TNS1: variants seen among roughly 807,000 people sequenced by gnomAD.
TNS1 encodes the protein tensin-1.
Under a neutral mutation model 168.6 loss-of-function variants are expected in TNS1, and 62 were observed. That is an observed-to-expected ratio of 0.37 (90% confidence interval 0.30 to 0.45). The LOEUF (loss-of-function observed/expected upper bound fraction) is 0.45, where lower values mean the gene tolerates loss of function less well. Among genes scored for constraint, TNS1 ranks in the 20% least tolerant of loss-of-function variants. The pLI is 1.00. For synonymous variants in TNS1, 934 were observed against 933.2 expected (o/e 1.00, Z -0.02); for missense variants, 2,240 against 2,339.4 (o/e 0.96, Z 0.88).
At position 217,977,686 on chromosome 2, in the gene TNS1, G is replaced by A. The variant is rs1016732932; in HGVS notation, c.186+1079C>T. Among the ~76,000 whole-genome samples, 11 of 152,164 alleles carry A rather than the reference G, an allele frequency of 7.2e-5. 1 individual carries two copies. The highest frequency in any genetic ancestry group is 4.1e-4 in the South Asian group (2 of 4,830). ...AGGCTTCTTATTCCCATATCCTTGA[G>A]AATGAAACAGAAACTCAGAGAGGTA... On this transcript the variant is annotated intron_variant, in intron 3 of 32. Coordinates refer to ENST00000682258, the MANE Select transcript of TNS1 (RefSeq NM_001387777.1).
At chr2:217,884,951 C>T in intron 16 of TNS1, 84 bp downstream of exon 16, 1 of 1,561,472 alleles carries the variant, frequency 6.4e-7, no homozygotes, top group East Asian at 2.2e-5. Flanking sequence ...AAAAGATGGT[C>T]CCCATACCCA....
chr2:217,981,101 C>T (rs146246406), intron 2 of TNS1, among the ~76,000 whole-genome samples: 1 of 152,328 alleles, frequency 6.6e-6, no homozygotes, highest in East Asian at 1.9e-4. Flanking sequence ...GTCTCCTTTG[C>T]ACTGTAGCCC....
intron 3 of TNS1, among the ~76,000 whole-genome samples, chr2:217,956,969 G>A (rs1957380572): frequency 6.6e-6 from 1 of 152,236 alleles, no homozygotes; most frequent in African/African-American, 2.4e-5. Context: ...GCCCTAAGGA[G>A]ACGGGATCAG....
At chr2:217,941,677 C>G (rs1268613873) in intron 3 of TNS1, among the ~76,000 whole-genome samples, 1 of 152,180 alleles carries the variant, frequency 6.6e-6, no homozygotes, top group Admixed American at 6.5e-5. Context: ...AGGTCATCGC[C>G]TCTAACCACA....
At chr2:218,018,668 T>C (rs556813052) in intron 1 of TNS1, among the ~76,000 whole-genome samples, 3 of 152,300 alleles carry the variant, frequency 2.0e-5, no homozygotes, top group South Asian at 4.1e-4. Context: ...GCTGAGGATG[T>C]GAGGCGGGAG....
rs773143281 is a variant in TNS1, at chr2:218,002,899, C to G, written c.-27G>C. On this transcript the variant is annotated 5_prime_UTR_variant, in exon 1 of 33. Transcript: ENST00000682258. Reference sequence around the variant, plus strand: ...TTTGCTGGGTCCCGTCACTGAGGCACGCCCAGGGCCTGTGAAGAGCCCCTG... The same window carrying G: ...TTTGCTGGGTCCCGTCACTGAGGCAGGCCCAGGGCCTGTGAAGAGCCCCTG... 1.5e-5 allele frequency: 7 copies of G among 456,676 alleles called. No individual in the cohort carries two copies. The East Asian group carries it at 4.9e-4, about 32-fold the overall frequency. The allele number at this position is 456,676 out of a possible 1,614,324, so 28.3% of individuals were successfully genotyped here. A position where few individuals can be genotyped will look rare whatever the true frequency, so the allele number is the denominator to read the frequency against.
intron 22 of TNS1, among the ~76,000 whole-genome samples, chr2:217,829,293 G>A (rs1391699824): frequency 1.3e-5 from 2 of 152,112 alleles, no homozygotes; most frequent in South Asian, 4.2e-4. Context: ...GCTGAGGCAG[G>A]AGAATTGCTT....
intron 3 of TNS1, among the ~76,000 whole-genome samples, chr2:217,958,289 C>T (rs1164694676): frequency 6.6e-6 from 1 of 151,122 alleles, no homozygotes; most frequent in African/African-American, 2.4e-5. Flanking sequence ...GGAGAAAATG[C>T]CAGATGCCGT....
chr2:217,842,169 G>C (rs1393532508), intron 19 of TNS1: 1 of 701,478 alleles, frequency 1.4e-6, no homozygotes, highest in Middle Eastern at 2.3e-4. Context: ...CTCCTTACCT[G>C]TCCTCAACCC....
intron 3 of TNS1, among the ~76,000 whole-genome samples, chr2:217,958,391 G>A (rs977563458): frequency 2.6e-5 from 4 of 152,196 alleles, no homozygotes; most frequent in African/African-American, 9.7e-5. Context: ...CCAAACCGTC[G>A]TCTGCATCCT....
At chr2:218,023,266 G>A (rs1958824664) in intron 1 of TNS1, among the ~76,000 whole-genome samples, 1 of 152,190 alleles carries the variant, frequency 6.6e-6, no homozygotes, top group Admixed American at 6.5e-5. Flanking sequence ...CCCGAGACCA[G>A]GCTGTCATCC....
chr2:217,959,361 C>CATGG (rs962044598), intron 3 of TNS1, among the ~76,000 whole-genome samples: 1 of 151,876 alleles, frequency 6.6e-6, no homozygotes, highest in Admixed American at 6.5e-5. Context: ...GGAACCTTAG[C>CATGG]ATGGAACCTG....
intron 4 of TNS1, among the ~76,000 whole-genome samples, chr2:217,918,494 G>GAGT (rs1955363369): frequency 6.6e-6 from 1 of 152,200 alleles, no homozygotes; most frequent in Admixed American, 6.5e-5. Context: ...ACGCAGCCTT[G>GAGT]CTCAGGCACG....
rs541200866 is a variant in TNS1, at chr2:217,889,423, T to C, written c.866+1539A>G. 2.0e-5 allele frequency among the ~76,000 whole-genome samples: 3 copies of C among 152,318 alleles called. No homozygotes were observed. In the South Asian group the frequency reaches 6.2e-4, roughly 32 times the overall value. On this transcript the variant is annotated intron_variant, in intron 12 of 32. Coordinates refer to ENST00000682258, the MANE Select transcript of TNS1 (RefSeq NM_001387777.1). ...TCCAGGACTCACAGCTCCAGGCCCT[T>C]GTTGGCCCAGTCAGTGTGCTCAGGG...
At chr2:218,013,462 G>A (rs996545476), upstream of TNS1, among the ~76,000 whole-genome samples, 1 of 152,228 alleles carries the variant, frequency 6.6e-6, no homozygotes, top group African/African-American at 2.4e-5. Context: ...TGCCCTGGGG[G>A]CCTCATGCCA....
In TNS1 at chr2:217,818,835, C is replaced by T. The variant is rs551214930; in HGVS notation, c.3573-76G>A. 4.8e-5 allele frequency: 59 copies of T among 1,224,758 alleles called. No homozygotes were observed. The East Asian group carries it at 6.0e-4, about 13-fold the overall frequency. 75.9% of individuals were successfully genotyped at this position (1,224,758 alleles called of 1,614,324 possible). A position where few individuals can be genotyped will look rare whatever the true frequency, so the allele number is the denominator to read the frequency against. The stretch of plus-strand genomic sequence containing the variant: ...GTGGATTTACAGCAGGCTGTCTGCC[C>T]TCCCTCCAACCATGAACAACAGTAA... On this transcript the variant is annotated intron_variant, in intron 23 of 32. Transcript: ENST00000682258.
intron 22 of TNS1, among the ~76,000 whole-genome samples, chr2:217,828,683 C>G (rs1337589201): frequency 6.6e-6 from 1 of 152,210 alleles, no homozygotes; most frequent in African/African-American, 2.4e-5. Context: ...CCCTGGTGCC[C>G]AGTGCAGGGC....
chr2:217,805,525 C>A (rs1574522160), intron 32 of TNS1, among the ~76,000 whole-genome samples: 1 of 1,750 alleles, frequency 5.7e-4, no homozygotes, highest in African/African-American at 2.3e-3. Context: ...ACCACACACA[C>A]CACACACACC....
intron 8 of TNS1, among the ~76,000 whole-genome samples, chr2:217,897,179 C>T (rs1952399438): frequency 6.6e-6 from 1 of 152,180 alleles, no homozygotes; most frequent in Admixed American, 6.5e-5. Context: ...GACCTGAGCC[C>T]TCCTCTGGGG....
Sources: gnomAD v4.1 joint callset for allele counts (sites outside exome capture counted in the v4.1 genomes callset) on GRCh38, gnomAD v4.1.1 for gene constraint, MANE v1.5 for transcripts, NCBI Gene and HGNC (gene_info 2026-07-23, HGNC 2026-07-21) for gene names.